Variants in GBE1 observed in about 807,000 individuals in gnomAD.
GBE1 encodes 1,4-alpha-glucan-branching enzyme.
A neutral mutation model predicts 88.8 loss-of-function variants in GBE1; 70 were observed. That is an observed-to-expected ratio of 0.79 (90% confidence interval 0.65 to 0.96). The LOEUF (loss-of-function observed/expected upper bound fraction) is 0.96, where lower values mean the gene tolerates loss of function less well. Among genes scored for constraint, GBE1 ranks in the 40% least tolerant of loss-of-function variants. The pLI is 0.00. For synonymous variants in GBE1, 284 were observed against 300.1 expected, an observed-to-expected ratio of 0.95 and a Z score of 0.56; for missense variants, 872 against 871.0, an observed-to-expected ratio of 1.00 and a Z score of -0.01.
At chr3:81,626,274 C>G (rs948499163) in intron 7 of GBE1, among the ~76,000 whole-genome samples, 1 of 152,102 alleles carries the variant, frequency 6.6e-6, no homozygotes, top group Non-Finnish European at 1.5e-5. Flanking sequence ...AAGGTTCAAA[C>G]AGGATATTCT....
chr3:81,668,905 C>T (rs538413973), intron 3 of GBE1, among the ~76,000 whole-genome samples: 5 of 152,212 alleles, frequency 3.3e-5, no homozygotes, highest in African/African-American at 1.2e-4. Flanking sequence ...CTTATTGGAG[C>T]AGATAAAAAT....
chr3:81,554,445 C>A (rs983722122), intron 12 of GBE1, among the ~76,000 whole-genome samples: 1 of 152,112 alleles, frequency 6.6e-6, no homozygotes, highest in Admixed American at 6.5e-5. Flanking sequence ...GTGGCTATTG[C>A]AACTTTAGGT....
At chr3:81,573,467 T>C (rs968082997) in intron 12 of GBE1, among the ~76,000 whole-genome samples, 5 of 152,208 alleles carry the variant, frequency 3.3e-5, no homozygotes, top group Admixed American at 3.3e-4. Context: ...TGCTTATCTG[T>C]ATCACTGAAC....
chr3:81,554,293 T>C (rs898750204), intron 12 of GBE1, among the ~76,000 whole-genome samples: 1 of 152,226 alleles, frequency 6.6e-6, no homozygotes, highest in Non-Finnish European at 1.5e-5. Context: ...TGTAAAAATG[T>C]ATAAATGTTT....
At chr3:81,623,988 T>C (rs1050097781) in intron 7 of GBE1, among the ~76,000 whole-genome samples, 8 of 152,142 alleles carry the variant, frequency 5.3e-5, no homozygotes, top group African/African-American at 1.9e-4. Context: ...ATTTTTAATA[T>C]AGGATCTGTA....
At chr3:81,604,376 C>T (rs1194560035) in intron 7 of GBE1, among the ~76,000 whole-genome samples, 1 of 148,274 alleles carries the variant, frequency 6.7e-6, no homozygotes, top group Non-Finnish European at 1.5e-5. Context: ...CATCCTGGAC[C>T]TCCTGGGCTC....
At chr3:81,495,806 T>C (rs1046599940) in intron 15 of GBE1, among the ~76,000 whole-genome samples, 1 of 152,200 alleles carries the variant, frequency 6.6e-6, no homozygotes, top group Non-Finnish European at 1.5e-5. Flanking sequence ...ATAAAAGTGA[T>C]ACATCTATGC....
chr3:81,508,508 T>C (rs935062901), intron 14 of GBE1, among the ~76,000 whole-genome samples: 6 of 152,236 alleles, frequency 3.9e-5, no homozygotes, highest in African/African-American at 1.4e-4. Flanking sequence ...TCTTTTATTA[T>C]CAAAATGAGT....
intron 2 of GBE1, among the ~76,000 whole-genome samples, chr3:81,682,759 A>G (rs1705370108): frequency 1.3e-5 from 2 of 152,354 alleles, no homozygotes; most frequent in East Asian, 3.9e-4. Context: ...TGGATATCCA[A>G]TTGAAATGAA....
At chr3:81,736,243 T>A (rs1706256351) in intron 1 of GBE1, among the ~76,000 whole-genome samples, 1 of 152,174 alleles carries the variant, frequency 6.6e-6, no homozygotes, top group South Asian at 2.1e-4. Flanking sequence ...GGACTGCATA[T>A]AATAAATGTA....
chr3:81,564,045 G>A (rs1451531117), intron 12 of GBE1, among the ~76,000 whole-genome samples: 2 of 152,028 alleles, frequency 1.3e-5, no homozygotes, highest in Non-Finnish European at 2.9e-5. Flanking sequence ...ATCACCAATG[G>A]AACAGCATTA....
chr3:81,748,559 C>A (rs749004189), intron 1 of GBE1, among the ~76,000 whole-genome samples: 5 of 151,998 alleles, frequency 3.3e-5, no homozygotes, highest in South Asian at 4.2e-4. Context: ...TGCAGTGAGC[C>A]GAGACCGCGC....
rs555931846 is a variant in GBE1, at chr3:81,713,950, G to C, written c.144-8337C>G. ...AGTCACTGAGAATATAGAGATAAAA[G>C]ACATTATAAAGTCCACAACTTGAAG... On this transcript the variant is annotated intron_variant, in intron 1 of 15. Coordinates refer to ENST00000429644, the MANE Select transcript of GBE1 (RefSeq NM_000158.4). 9.1e-4 allele frequency among the ~76,000 whole-genome samples: 139 copies of C among 152,220 alleles called. 1 individual carries two copies. Among genetic ancestry groups the C allele is most frequent in the African/African-American group, 3.2e-3 (132 of 41,552 alleles).
chr3:81,646,988 G>A (rs1206216040), intron 5 of GBE1, among the ~76,000 whole-genome samples: 12 of 132,196 alleles, frequency 9.1e-5, no homozygotes, highest in Non-Finnish European at 1.1e-4. Context: ...ATGGAGTCTC[G>A]CTCTGTTGCC....
At chr3:81,536,212 T>G (rs1703071356) in intron 13 of GBE1, among the ~76,000 whole-genome samples, 1 of 146,176 alleles carries the variant, frequency 6.8e-6, no homozygotes, top group Non-Finnish European at 1.5e-5. Flanking sequence ...GTTCAGCCAT[T>G]AAAAAAAAAA....
chr3:81,706,833 A>T (rs1472255839), intron 1 of GBE1, among the ~76,000 whole-genome samples: 3 of 152,164 alleles, frequency 2.0e-5, no homozygotes, highest in African/African-American at 7.2e-5. Context: ...GGAGGAATAA[A>T]GTATATCAAT....
intron 7 of GBE1, among the ~76,000 whole-genome samples, chr3:81,605,899 C>T (rs1704096023): frequency 6.6e-6 from 1 of 152,090 alleles, no homozygotes; most frequent in Admixed American, 6.6e-5. Flanking sequence ...TTTGCAGACC[C>T]CTGCAATTAA....
intron 1 of GBE1, among the ~76,000 whole-genome samples, chr3:81,740,896 C>A (rs560422836): frequency 6.6e-6 from 1 of 152,086 alleles, no homozygotes; most frequent in Non-Finnish European, 1.5e-5. Flanking sequence ...GAGGTCCAGA[C>A]CACTAATTAT....
At position 81,642,792 on chromosome 3, in the gene GBE1, A is replaced by G. The variant is rs1222245746; in HGVS notation, c.981T>C (p.Phe327=). 6.2e-7 allele frequency: 1 copy of G among 1,607,604 alleles called. No individual in the cohort carries two copies. The highest frequency in any genetic ancestry group is 1.1e-5 in the South Asian group (1 of 90,950). Residue 327 remains phenylalanine, a synonymous_variant, in exon 7 of 16, where the codon TTT becomes TTC. Coordinates refer to ENST00000429644, the MANE Select transcript of GBE1 (RefSeq NM_000158.4). The stretch of plus-strand genomic sequence containing the variant: ...TTGTATGTACCTACCTGGAGTAGGC[A>G]AACAATCTGCTATCCCAAAGATCAT... ...GTHDLWDSRL[F]AYSSWEILRF...
Sources: gnomAD v4.1 joint callset for allele counts (sites outside exome capture counted in the v4.1 genomes callset) on GRCh38, gnomAD v4.1.1 for gene constraint, MANE v1.5 for transcripts, NCBI Gene and HGNC (gene_info 2026-07-23, HGNC 2026-07-21) for gene names.